The following LONRF1 variants were observed in gnomAD, a reference collection of about 807,000 sequenced individuals.
LONRF1 encodes LON peptidase N-terminal domain and RING finger protein 1.
Under a neutral mutation model 85.8 loss-of-function variants are expected in LONRF1, and 37 were observed. The ratio of observed to expected loss-of-function variants is 0.43; its 90% confidence interval spans 0.33 to 0.57. The LOEUF (loss-of-function observed/expected upper bound fraction) is 0.57, where lower values mean the gene tolerates loss of function less well. Ranked by LOEUF, LONRF1 falls within the 20% of genes least tolerant of loss-of-function variation. LONRF1 has a pLI of 0.04. For synonymous variants in LONRF1, 517 were observed against 390.1 expected, an observed-to-expected ratio of 1.33 and a Z score of -3.83; for missense variants, 1,036 against 978.0, an observed-to-expected ratio of 1.06 and a Z score of -0.79.
intron 3 of LONRF1, 44 bp from the exon 4 acceptor site, chr8:12,738,188 G>A: frequency 2.3e-6 from 3 of 1,282,048 alleles, no homozygotes; most frequent in Non-Finnish European, 2.1e-6. Flanking sequence ...TAAAATATTT[G>A]GTTAAGGATA....
intron 2 of LONRF1, among the ~76,000 whole-genome samples, chr8:12,742,834 T>A (rs1798991456): frequency 6.6e-6 from 1 of 152,122 alleles, no homozygotes; most frequent in Admixed American, 6.6e-5. Flanking sequence ...CCAGTGACCT[T>A]CCCACTTCAG....
At chr8:12,745,604 G>T (rs1799119987) in intron 1 of LONRF1, among the ~76,000 whole-genome samples, 1 of 152,166 alleles carries the variant, frequency 6.6e-6, no homozygotes, top group African/African-American at 2.4e-5. Context: ...CACTACAGAC[G>T]AGTCACCTCA....
In LONRF1 at chr8:12,729,273, G is replaced by T. The variant is rs1390545335; in HGVS notation, c.1748C>A (p.Pro583His). ...CTMAYPTVPCPLHVFEPRYRL... is the reference protein window; with the variant it reads ...CTMAYPTVPCHLHVFEPRYRL... ...GTATCTTGGCTCAAATACATGGAGA[G>T]GGCAAGGCACAGTGGGGTAGGCCAT... Residue 583 changes from proline to histidine, a missense_variant, in exon 9 of 12, where the codon CCT becomes CAT. Physicochemically the swap from Pro to His is moderately conservative, Grantham distance 77 (BLOSUM62 -2). This residue lies in a region of LONRF1 where 265 missense variants were observed against 301.5 expected (regional missense o/e 0.88). Transcript: ENST00000398246. 1 of 1,613,980 alleles carries T rather than the reference G, an allele frequency of 6.2e-7. No individual in the cohort carries two copies. Among genetic ancestry groups the T allele is most frequent in the Non-Finnish European group, 8.5e-7 (1 of 1,179,892 alleles).
In LONRF1 at chr8:12,727,677, C is replaced by T. The variant is rs533270772; in HGVS notation, c.2010+1224G>A. Among the ~76,000 whole-genome samples, 3 of 152,242 alleles carry T rather than the reference C, an allele frequency of 2.0e-5. No individual in the cohort carries two copies. In the East Asian group the frequency reaches 5.8e-4, roughly 29 times the overall value. On this transcript the variant is annotated intron_variant, in intron 10 of 11. Transcript: ENST00000398246. Reference sequence around the variant, plus strand: ...AGTGAAGACATAAATTTACACAAAACTGAAATATGGTTATTAACTTTACAA... The same window carrying T: ...AGTGAAGACATAAATTTACACAAAATTGAAATATGGTTATTAACTTTACAA...
rs1337755089 is a variant in LONRF1, at chr8:12,722,708, T to A, written c.*388A>T. On this transcript the variant is annotated 3_prime_UTR_variant, in exon 12 of 12. Coordinates refer to ENST00000398246, the MANE Select transcript of LONRF1 (RefSeq NM_152271.5). ...GCAAGTTCTGCTCTCTATGGCTTTT[T>A]TGTTTGTTTGTTTTAAAATTTTAAA... 1 of 154,916 alleles carries A rather than the reference T, an allele frequency of 6.5e-6. No individual in the cohort carries two copies. Among genetic ancestry groups the A allele is most frequent in the Non-Finnish European group, 1.4e-5 (1 of 70,548 alleles). 9.6% of individuals were successfully genotyped at this position (154,916 alleles called of 1,614,324 possible).
intron 1 of LONRF1, among the ~76,000 whole-genome samples, chr8:12,745,645 C>G (rs1414346341): frequency 6.6e-6 from 1 of 152,222 alleles, no homozygotes; most frequent in Non-Finnish European, 1.5e-5. Flanking sequence ...GATGCTGGTG[C>G]TCACTCCATT....
In LONRF1 at chr8:12,743,028, A is replaced by T. The variant is rs1309650080; in HGVS notation, c.840+136T>A. 4 of 657,008 alleles carry T rather than the reference A, an allele frequency of 6.1e-6. No homozygotes were observed. The Admixed American group carries it at 8.5e-5, about 14-fold the overall frequency. The allele number at this position is 657,008 out of a possible 1,614,324, so 40.7% of individuals were successfully genotyped here. A position where few individuals can be genotyped will look rare whatever the true frequency, so the allele number is the denominator to read the frequency against. The stretch of plus-strand genomic sequence containing the variant: ...GAAATGAGCCATTGCACCTAGGTGA[A>T]CCTATATTTCTAGAGCACTAGATAT... On this transcript the variant is annotated intron_variant, in intron 2 of 11. Transcript: ENST00000398246.
chr8:12,754,587 C>A (rs1799554390), intron 1 of LONRF1, 113 bp downstream of exon 1: 1 of 1,175,054 alleles, frequency 8.5e-7, no homozygotes, highest in Non-Finnish European at 1.1e-6. Flanking sequence ...AGCGGCCCAG[C>A]GGCCCCGGGG....
At chr8:12,751,311 T>TTTTTTTTTTTTTTG (rs1799391839) in intron 1 of LONRF1, among the ~76,000 whole-genome samples, 4 of 19,492 alleles carry the variant, frequency 2.1e-4, no homozygotes, top group East Asian at 5.3e-3. Flanking sequence ...TTTTTTTTTT[T>TTTTTTTTTTTTTTG]TTTTTTTTTG....
chr8:12,726,839 C>G (rs1226126103), intron 10 of LONRF1, among the ~76,000 whole-genome samples: 1 of 152,082 alleles, frequency 6.6e-6, no homozygotes. Context: ...GACAAAAAAG[C>G]AAACTTTTTA....
chr8:12,727,652 A>T (rs6530953), intron 10 of LONRF1, among the ~76,000 whole-genome samples: 146,619 of 152,212 alleles, frequency 0.96, 70,833 homozygotes, highest in East Asian at 1. Flanking sequence ...AAATCCAATA[A>T]GTGAAGACAT....
intron 8 of LONRF1, 158 bp from the exon 9 acceptor site, chr8:12,729,490 A>T: frequency 1.5e-6 from 1 of 653,484 alleles, no homozygotes; most frequent in South Asian, 2.1e-5. Context: ...CAAGAACAAG[A>T]ATCAGCACCC....
intron 7 of LONRF1, 109 bp from the exon 8 acceptor site, chr8:12,731,966 A>G (rs963213894): frequency 9.8e-7 from 1 of 1,023,066 alleles, no homozygotes; most frequent in Non-Finnish European, 1.4e-6. Flanking sequence ...TATACCATCA[A>G]TTCTGGATTA....
At position 12,749,792 on chromosome 8, in the gene LONRF1, T is replaced by G. The variant is rs187751680; in HGVS notation, c.721+4908A>C. On this transcript the variant is annotated intron_variant, in intron 1 of 11. Coordinates refer to ENST00000398246, the MANE Select transcript of LONRF1 (RefSeq NM_152271.5). ...ATGAATCAAAGAAAATAATTAGAGATATAGTCTCGGTTAAGTAGAAGCCAA... is the reference window on the plus strand; with the variant it reads ...ATGAATCAAAGAAAATAATTAGAGAGATAGTCTCGGTTAAGTAGAAGCCAA... Among the ~76,000 whole-genome samples, 132 of 152,252 alleles carry G rather than the reference T, an allele frequency of 8.7e-4. 1 individual carries two copies. The highest frequency in any genetic ancestry group is 1.4e-3 in the Admixed American group (22 of 15,304).
In LONRF1 at chr8:12,723,036, C is replaced by A; in HGVS notation, c.*60G>T. 8 of 1,430,848 alleles carry A rather than the reference C, an allele frequency of 5.6e-6. No homozygotes were observed. The highest frequency in any genetic ancestry group is 1.5e-5 in the South Asian group (1 of 68,816). 88.6% of individuals were successfully genotyped at this position (1,430,848 alleles called of 1,614,324 possible). On this transcript the variant is annotated 3_prime_UTR_variant, in exon 12 of 12. Coordinates refer to ENST00000398246, the MANE Select transcript of LONRF1 (RefSeq NM_152271.5). ...GCACTAGATGTGCAAAGGCAGCAGA[C>A]AATCTGGCCATCAATGCAGCCAGAT...
At chr8:12,737,635 A>G (rs1431071606) in intron 4 of LONRF1, among the ~76,000 whole-genome samples, 2 of 152,120 alleles carry the variant, frequency 1.3e-5, no homozygotes, top group African/African-American at 2.4e-5. Flanking sequence ...GATACAAGGG[A>G]TGACTGTACT....
chr8:12,742,261 C>T (rs6530963), intron 2 of LONRF1, among the ~76,000 whole-genome samples: 3,490 of 152,276 alleles, frequency 0.023, 122 homozygotes, highest in African/African-American at 0.08. Context: ...AGCCTTACTA[C>T]ACTGTCCTCA....
At chr8:12,740,201 T>G (rs1296364080) in intron 3 of LONRF1, among the ~76,000 whole-genome samples, 5 of 152,218 alleles carry the variant, frequency 3.3e-5, no homozygotes, top group African/African-American at 1.2e-4. Context: ...GAATTTGTAT[T>G]AGCATAGATT....
chr8:12,739,341 CAAAAAAAAAA>C (rs35823658), intron 3 of LONRF1, among the ~76,000 whole-genome samples: 3 of 106,108 alleles, frequency 2.8e-5, no homozygotes, highest in Non-Finnish European at 5.9e-5. Context: ...ATATGTTCAG[CAAAAAAAAAA>C]AAAAAAAACA....
Sources: gnomAD v4.1 joint callset for allele counts (sites outside exome capture counted in the v4.1 genomes callset) on GRCh38, gnomAD v4.1.1 for gene constraint, gnomAD v4.1.1 regional missense constraint, MANE v1.5 for transcripts, NCBI Gene and HGNC (gene_info 2026-07-23, HGNC 2026-07-21) for gene names.